MMP16: variants seen among roughly 807,000 people sequenced by gnomAD.
MMP16 encodes the protein matrix metalloproteinase-16.
A neutral mutation model predicts 67.8 loss-of-function variants in MMP16; 12 were observed. The ratio of observed to expected loss-of-function variants is 0.18; its 90% CI spans 0.11 to 0.29. The LOEUF (loss-of-function observed/expected upper bound fraction) is 0.29, where lower values mean the gene tolerates loss of function less well. Ranked by LOEUF, MMP16 falls within the 10% of genes least tolerant of loss-of-function variation. MMP16 has a pLI of 1.00. For missense variants in MMP16, 475 were observed against 765.7 expected (o/e 0.62, Z 4.48); for synonymous variants, 249 against 255.9 (o/e 0.97, Z 0.26).
chr8:88,087,443 T>C (rs146058364), intron 6 of MMP16, among the ~76,000 whole-genome samples: 27 of 151,972 alleles, frequency 1.8e-4, no homozygotes, highest in African/African-American at 6.3e-4. Context: ...TGCCATGGCA[T>C]AGGCATGCTG....
At chr8:88,313,920 T>C (rs1811337703) in intron 1 of MMP16, among the ~76,000 whole-genome samples, 1 of 152,080 alleles carries the variant, frequency 6.6e-6, no homozygotes, top group African/African-American at 2.4e-5. Context: ...TTATTCACTA[T>C]CACAAGACCA....
intron 4 of MMP16, among the ~76,000 whole-genome samples, chr8:88,154,698 C>T (rs1276287675): frequency 2.7e-5 from 4 of 146,236 alleles, no homozygotes; most frequent in African/African-American, 1.0e-4. Context: ...AGGGGAATAT[C>T]ACACTCTGGG....
chr8:88,170,815 T>C (rs1470034434), intron 3 of MMP16, among the ~76,000 whole-genome samples: 1 of 152,124 alleles, frequency 6.6e-6, no homozygotes, highest in Non-Finnish European at 1.5e-5. Flanking sequence ...CTCAGTGAGT[T>C]GGAGCAATCA....
chr8:88,305,536 C>T (rs1294309442), intron 1 of MMP16, among the ~76,000 whole-genome samples: 1 of 152,096 alleles, frequency 6.6e-6, no homozygotes, highest in African/African-American at 2.4e-5. Flanking sequence ...ATCCTACAAT[C>T]AGAAGTAAAA....
chr8:88,206,413 T>C (rs1271642424), intron 1 of MMP16, among the ~76,000 whole-genome samples: 9 of 152,212 alleles, frequency 5.9e-5, no homozygotes, highest in Admixed American at 5.9e-4. Flanking sequence ...TGTGTGAGTT[T>C]TCTCTGGGTA....
At chr8:88,204,190 T>C (rs1277951479) in intron 1 of MMP16, among the ~76,000 whole-genome samples, 2 of 152,162 alleles carry the variant, frequency 1.3e-5, no homozygotes, top group Non-Finnish European at 2.9e-5. Context: ...TTGTTAAAAA[T>C]ATAAAAATGC....
At chr8:88,262,032 T>C (rs1282882459) in intron 1 of MMP16, among the ~76,000 whole-genome samples, 1 of 152,186 alleles carries the variant, frequency 6.6e-6, no homozygotes, top group Non-Finnish European at 1.5e-5. Context: ...ATGATCTCTC[T>C]AGTTCTACAT....
intron 1 of MMP16, among the ~76,000 whole-genome samples, chr8:88,205,241 T>C (rs1809407881): frequency 1.3e-5 from 2 of 152,276 alleles, no homozygotes; most frequent in South Asian, 4.1e-4. Context: ...AGTATTCAAA[T>C]AGAGACCTGA....
intron 1 of MMP16, among the ~76,000 whole-genome samples, chr8:88,272,019 C>T (rs1810571876): frequency 6.6e-6 from 1 of 152,134 alleles, no homozygotes; most frequent in South Asian, 2.1e-4. Context: ...CAACACGCAC[C>T]TGATAAAACT....
intron 1 of MMP16, among the ~76,000 whole-genome samples, chr8:88,274,086 CA>C (rs1201357524): frequency 2.0e-5 from 3 of 152,028 alleles, no homozygotes; most frequent in Non-Finnish European, 2.9e-5. Flanking sequence ...ACTAAGAAAG[CA>C]AACGTACCAT....
At position 88,166,913 on chromosome 8, in the gene MMP16, T is replaced by C. The variant is rs1393780761; in HGVS notation, c.709+756A>G. 4.0e-5 allele frequency among the ~76,000 whole-genome samples: 6 copies of C among 151,454 alleles called. No homozygotes were observed. The East Asian group carries it at 1.2e-3, about 30-fold the overall frequency. The stretch of plus-strand genomic sequence containing the variant: ...GGAAAGTTAATAATAGAATAGAAAC[T>C]AGGCTGAATGTGGTGGCTCATGCCT... On this transcript the variant is annotated intron_variant, in intron 4 of 9. Coordinates refer to ENST00000286614, the MANE Select transcript of MMP16 (RefSeq NM_005941.5).
At chr8:88,154,042 A>T (rs1005297049) in intron 4 of MMP16, among the ~76,000 whole-genome samples, 2 of 147,454 alleles carry the variant, frequency 1.4e-5, no homozygotes, top group African/African-American at 2.5e-5. Flanking sequence ...CAACCCCATC[A>T]AAAAGTGGGC....
chr8:88,281,000 C>G (rs956335128), intron 1 of MMP16, among the ~76,000 whole-genome samples: 2 of 152,116 alleles, frequency 1.3e-5, no homozygotes, highest in East Asian at 3.9e-4. Context: ...ACATAGTACA[C>G]ATGAGATCAG....
At chr8:88,080,737 T>C (rs1246642665) in intron 6 of MMP16, among the ~76,000 whole-genome samples, 1 of 152,004 alleles carries the variant, frequency 6.6e-6, no homozygotes, top group Non-Finnish European at 1.5e-5. Flanking sequence ...CGCCTGGCCA[T>C]GTGTTGTGTT....
At chr8:88,293,143 A>G (rs1289033021) in intron 1 of MMP16, among the ~76,000 whole-genome samples, 7 of 152,184 alleles carry the variant, frequency 4.6e-5, no homozygotes, top group Non-Finnish European at 8.8e-5. Context: ...CATACTGAGT[A>G]CATCTTGATT....
chr8:88,209,303 A>G (rs1232288191), intron 1 of MMP16, among the ~76,000 whole-genome samples: 3 of 152,146 alleles, frequency 2.0e-5, no homozygotes, highest in African/African-American at 7.2e-5. Context: ...GTGAAGATGA[A>G]GAGGACGAAG....
intron 6 of MMP16, among the ~76,000 whole-genome samples, chr8:88,104,919 A>T (rs1388070197): frequency 2.6e-5 from 4 of 151,636 alleles, no homozygotes; most frequent in African/African-American, 7.2e-5. Context: ...AGCTTATAGA[A>T]GTAAAGAAGT....
At chr8:88,227,560 A>C (rs1717902353) in intron 1 of MMP16, among the ~76,000 whole-genome samples, 1 of 152,012 alleles carries the variant, frequency 6.6e-6, no homozygotes, top group Non-Finnish European at 1.5e-5. Context: ...TCCTCTTGTC[A>C]AGGCTCAGGC....
chr8:88,204,071 A>G (rs1050871677), intron 1 of MMP16, among the ~76,000 whole-genome samples: 7 of 152,234 alleles, frequency 4.6e-5, no homozygotes. Context: ...ACAGAAATTC[A>G]TGACCTATTC....
Sources: gnomAD v4.1 joint callset for allele counts (sites outside exome capture counted in the v4.1 genomes callset) on GRCh38, gnomAD v4.1.1 for gene constraint, MANE v1.5 for transcripts, NCBI Gene and HGNC (gene_info 2026-07-23, HGNC 2026-07-21) for gene names.